Variants in ATXN10 observed in about 807,000 individuals in gnomAD.
The protein encoded by ATXN10 is ataxin 10, also known as ataxin-10.
A neutral mutation model predicts 52.9 loss-of-function variants in ATXN10; 28 were observed. The observed-to-expected ratio is 0.53, with a 90% CI of 0.39 to 0.73. The LOEUF is 0.73. Ranked by LOEUF, ATXN10 falls within the 30% of genes least tolerant of loss-of-function variation. ATXN10 has a pLI of 0.00. For missense variants in ATXN10, 565 were observed against 577.0 expected, an observed-to-expected ratio of 0.98 and a Z score of 0.21; for synonymous variants, 226 against 221.5, an observed-to-expected ratio of 1.02 and a Z score of -0.18.
intron 10 of ATXN10, among the ~76,000 whole-genome samples, chr22:45,821,738 C>T (rs1262079238): frequency 6.6e-6 from 1 of 152,194 alleles, no homozygotes; most frequent in Non-Finnish European, 1.5e-5. Flanking sequence ...CTGATGCAAC[C>T]TGTGAACTGC....
chr22:45,823,818 C>T lies in ATXN10; in HGVS notation c.1237+16796C>T, dbSNP rs955241330. The stretch of plus-strand genomic sequence containing the variant: ...ATACAATGGTTGATCAAAAAAGAGA[C>T]ACTGTGTGCTCCCATGAAGGTTTCA... On this transcript the variant is annotated intron_variant, in intron 10 of 11. Coordinates refer to ENST00000252934, the MANE Select transcript of ATXN10 (RefSeq NM_013236.4). The surrounding 1 kb of genome is among the most constrained non-coding windows in gnomAD (Gnocchi z 4.9). Among the ~76,000 whole-genome samples, 2 of 152,162 alleles carry T rather than the reference C, an allele frequency of 1.3e-5. No homozygotes were observed. The highest frequency in any genetic ancestry group is 2.9e-5 in the Non-Finnish European group (2 of 68,024).
At position 45,718,541 on chromosome 22, in the gene ATXN10, G is replaced by C; in HGVS notation, c.728+48G>C. The C allele has an allele frequency of 1.4e-6, 2 of 1,463,562 alleles. No individual in the cohort carries two copies. Among genetic ancestry groups the C allele is most frequent in the Non-Finnish European group, 1.9e-6 (2 of 1,042,906 alleles). 90.7% of individuals were successfully genotyped at this position (1,463,562 alleles called of 1,614,324 possible). A position where few individuals can be genotyped will look rare whatever the true frequency, so the allele number is the denominator to read the frequency against. On this transcript the variant is annotated intron_variant, in intron 6 of 11. Transcript: ENST00000252934. This position sits in a 1 kb window ranked among gnomAD's most constrained non-coding sequence, Gnocchi z 4.4. The stretch of plus-strand genomic sequence containing the variant: ...CTGGAGTATTTAGCATTCCATATAG[G>C]GTATTCGATGCACGTGACTGAAAAG...
chr22:45,728,971 C>T lies in ATXN10; in HGVS notation c.729-454C>T, dbSNP rs1924981561. 6.6e-6 allele frequency among the ~76,000 whole-genome samples: 1 copy of T among 152,104 alleles called. No homozygotes were observed. The highest frequency in any genetic ancestry group is 2.4e-5 in the African/African-American group (1 of 41,414). On this transcript the variant is annotated intron_variant, in intron 6 of 11. Transcript: ENST00000252934. This position sits in a 1 kb window ranked among gnomAD's most constrained non-coding sequence, Gnocchi z 4.3. ...ATTAACCTCACCAAGCCTTATTTACCCACCTTTAATGTGAAACTAATGGCA... is the reference window on the plus strand; with the variant it reads ...ATTAACCTCACCAAGCCTTATTTACTCACCTTTAATGTGAAACTAATGGCA...
At chr22:45,800,755 A>G (rs1025976171) in intron 9 of ATXN10, among the ~76,000 whole-genome samples, 13 of 152,248 alleles carry the variant, frequency 8.5e-5, no homozygotes, top group African/African-American at 3.1e-4. Context: ...ATAAACAAAA[A>G]TCAATGATAC....
rs372944159 is a variant in ATXN10, at chr22:45,769,043, A to T, written c.1173+28505A>T. On this transcript the variant is annotated intron_variant, in intron 9 of 11. Transcript: ENST00000252934. The surrounding 1 kb of genome is among the most constrained non-coding windows in gnomAD (Gnocchi z 4.2). ...GTGTGGGAAGAAGACAGATGAAACA[A>T]GTTGACAACATGGTGGTTTCTGAAG... Among the ~76,000 whole-genome samples, 11 of 152,136 alleles carry T rather than the reference A, an allele frequency of 7.2e-5. No homozygotes were observed. The South Asian group carries it at 1.9e-3, about 26-fold the overall frequency.
At position 45,816,325 on chromosome 22, in the gene ATXN10, G is replaced by A. The variant is rs1928460120; in HGVS notation, c.1237+9303G>A. 6.6e-6 allele frequency among the ~76,000 whole-genome samples: 1 copy of A among 152,136 alleles called. No individual in the cohort carries two copies. The highest frequency in any genetic ancestry group is 1.5e-5 in the Non-Finnish European group (1 of 68,024). ...TAGATCATAATCAGGAGAAAGTGCTGAGCACTGAGATAGTAGCTCCTTGGG... is the reference window on the plus strand; with the variant it reads ...TAGATCATAATCAGGAGAAAGTGCTAAGCACTGAGATAGTAGCTCCTTGGG... On this transcript the variant is annotated intron_variant, in intron 10 of 11. Coordinates refer to ENST00000252934, the MANE Select transcript of ATXN10 (RefSeq NM_013236.4). This position sits in a 1 kb window ranked among gnomAD's most constrained non-coding sequence, Gnocchi z 5.8.
chr22:45,752,453 G>A (rs1926012231), intron 9 of ATXN10, among the ~76,000 whole-genome samples: 1 of 151,340 alleles, frequency 6.6e-6, no homozygotes, highest in Non-Finnish European at 1.5e-5. Flanking sequence ...ATGAGAAAGA[G>A]TTAGGCAGTT....
chr22:45,845,008 A>T lies in ATXN10; in HGVS notation c.*1337A>T. 1 of 152,178 alleles carries T rather than the reference A, an allele frequency of 6.6e-6. No homozygotes were observed. The highest frequency in any genetic ancestry group is 1.9e-4 in the East Asian group (1 of 5,200). The allele number at this position is 152,178 out of a possible 1,614,324, so 9.4% of individuals were successfully genotyped here. The stretch of plus-strand genomic sequence containing the variant: ...AGGATTGCAGCAATCTATGAATAAC[A>T]TTTTTTCTCTCATTTATGACTTTCC... On this transcript the variant is annotated 3_prime_UTR_variant, in exon 12 of 12. Coordinates refer to ENST00000252934, the MANE Select transcript of ATXN10 (RefSeq NM_013236.4). The surrounding 1 kb of genome is among the most constrained non-coding windows in gnomAD (Gnocchi z 4.7).
chr22:45,816,221 G>A lies in ATXN10; in HGVS notation c.1237+9199G>A, dbSNP rs909045543. 1.3e-5 allele frequency among the ~76,000 whole-genome samples: 2 copies of A among 152,122 alleles called. No individual in the cohort carries two copies. The highest frequency in any genetic ancestry group is 2.9e-5 in the Non-Finnish European group (2 of 68,020). On this transcript the variant is annotated intron_variant, in intron 10 of 11. Transcript: ENST00000252934. This position sits in a 1 kb window ranked among gnomAD's most constrained non-coding sequence, Gnocchi z 5.8. Reference sequence around the variant, plus strand: ...TGAGCTGAGATTGTGTCATTGGCACGCCAGCCTGGGTGTTGCAGCAAGACT... The same window carrying A: ...TGAGCTGAGATTGTGTCATTGGCACACCAGCCTGGGTGTTGCAGCAAGACT...
At position 45,780,908 on chromosome 22, in the gene ATXN10, C is replaced by T. The variant is rs141384581; in HGVS notation, c.1174-26051C>T. Among the ~76,000 whole-genome samples, 6 of 152,208 alleles carry T rather than the reference C, an allele frequency of 3.9e-5. No homozygotes were observed. Among genetic ancestry groups the T allele is most frequent in the African/African-American group, 7.2e-5 (3 of 41,542 alleles). ...AAACACGTGACAGGTGGGGAGAAGA[C>T]GGCATACTAGCAAGGGGCCTTGAGA... On this transcript the variant is annotated intron_variant, in intron 9 of 11. Coordinates refer to ENST00000252934, the MANE Select transcript of ATXN10 (RefSeq NM_013236.4). The surrounding 1 kb of genome is among the most constrained non-coding windows in gnomAD (Gnocchi z 4.0).
intron 5 of ATXN10, among the ~76,000 whole-genome samples, chr22:45,706,768 G>T (rs1156623676): frequency 6.6e-6 from 1 of 150,754 alleles, no homozygotes; most frequent in Non-Finnish European, 1.5e-5. Flanking sequence ...CATTACCTAG[G>T]CTTCTTTTAT....
At chr22:45,726,200 C>G (rs183624711) in intron 6 of ATXN10, among the ~76,000 whole-genome samples, 9 of 152,230 alleles carry the variant, frequency 5.9e-5, no homozygotes, top group African/African-American at 2.2e-4. Context: ...GTAGGATTCT[C>G]TCTTTCTCAA....
chr22:45,689,242 T>C (rs548061277), intron 1 of ATXN10, among the ~76,000 whole-genome samples: 1 of 152,342 alleles, frequency 6.6e-6, no homozygotes, highest in Admixed American at 6.5e-5. Flanking sequence ...CCAGAATATA[T>C]TCTCTGTCTA....
In ATXN10 at chr22:45,784,461, A is replaced by G. The variant is rs1021198686; in HGVS notation, c.1174-22498A>G. Reference sequence around the variant, plus strand: ...GACATATGATCTTGATTCGTAAGACATAGTCCCCTAATTGTAATCTGCACC... The same window carrying G: ...GACATATGATCTTGATTCGTAAGACGTAGTCCCCTAATTGTAATCTGCACC... On this transcript the variant is annotated intron_variant, in intron 9 of 11. Coordinates refer to ENST00000252934, the MANE Select transcript of ATXN10 (RefSeq NM_013236.4). This position sits in a 1 kb window ranked among gnomAD's most constrained non-coding sequence, Gnocchi z 4.2. Among the ~76,000 whole-genome samples the G allele has an allele frequency of 2.6e-5, 4 of 152,190 alleles. No homozygotes were observed. Among genetic ancestry groups the G allele is most frequent in the African/African-American group, 9.6e-5 (4 of 41,458 alleles).
chr22:45,731,153 C>T (rs986904587), intron 7 of ATXN10, among the ~76,000 whole-genome samples: 2 of 152,168 alleles, frequency 1.3e-5, no homozygotes, highest in African/African-American at 4.8e-5. Context: ...TTCTCTGGAC[C>T]ACTCAGCTGT....
chr22:45,713,216 G>A (rs1359497474), intron 5 of ATXN10, among the ~76,000 whole-genome samples: 1 of 152,028 alleles, frequency 6.6e-6, no homozygotes, highest in Non-Finnish European at 1.5e-5. Flanking sequence ...CTTCTATTTT[G>A]TATATCAGTA....
chr22:45,736,480 C>T (rs1345431839), intron 7 of ATXN10, among the ~76,000 whole-genome samples: 1 of 147,362 alleles, frequency 6.8e-6, no homozygotes, highest in African/African-American at 2.7e-5. Context: ...CAGATAAGGG[C>T]CACCTTATCT....
intron 10 of ATXN10, among the ~76,000 whole-genome samples, chr22:45,822,430 C>T (rs1399014621): frequency 6.6e-6 from 1 of 151,792 alleles, no homozygotes; most frequent in African/African-American, 2.4e-5. Context: ...TCCTTTCACT[C>T]TGCCTTCTTG....
intron 9 of ATXN10, among the ~76,000 whole-genome samples, chr22:45,768,715 C>T (rs1479420691): frequency 6.6e-6 from 1 of 152,158 alleles, no homozygotes; most frequent in Non-Finnish European, 1.5e-5. Context: ...AGGAACATAC[C>T]TTTACAGATT....
Sources: gnomAD v4.1 joint callset for allele counts (sites outside exome capture counted in the v4.1 genomes callset) on GRCh38, gnomAD v4.1.1 for gene constraint, Gnocchi (gnomAD v3.1) non-coding constraint, MANE v1.5 for transcripts, NCBI Gene and HGNC (gene_info 2026-07-23, HGNC 2026-07-21) for gene names.